FARS2: variants seen among roughly 807,000 people sequenced by gnomAD.
FARS2 encodes phenylalanyl-tRNA synthetase 2, mitochondrial.
FARS2 carries 40 observed loss-of-function variants against 46.4 expected under a neutral mutation model. That is an observed-to-expected ratio of 0.86 (90% CI 0.67 to 1.12). FARS2 has a LOEUF of 1.12. Ranked by LOEUF, FARS2 falls within the 50% of genes most tolerant of loss-of-function variation. FARS2 has a pLI of 0.00. For synonymous variants in FARS2, 234 were observed against 214.9 expected (o/e 1.09, Z -0.78); for missense variants, 513 against 567.9 (o/e 0.90, Z 0.98).
rs1027890130 is a variant in FARS2 at position 5,469,436 on chromosome 6, TTC to T, written c.904+38270_904+38271del. Among the ~76,000 whole-genome samples, 254 of 152,338 alleles carry T rather than the reference TTC, an allele frequency of 1.7e-3. 2 individuals are homozygous for T. The highest frequency in any genetic ancestry group is 2.5e-4 in the Non-Finnish European group (17 of 68,036). On this transcript the variant is annotated intron_variant, in intron 4 of 6. Coordinates refer to ENST00000274680, the MANE Select transcript of FARS2 (RefSeq NM_006567.5). Reference sequence around the variant, plus strand: ...CCCTCCGCTGGATACCTTCTTGATTTTCTCTCTAAACAGCTGCAGAGAGCTGA... The same window carrying T: ...CCCTCCGCTGGATACCTTCTTGATTTTCTCTAAACAGCTGCAGAGAGCTGA...
At chr6:5,391,343 TAAG>T (rs1343032541) in intron 2 of FARS2, among the ~76,000 whole-genome samples, 1 of 152,120 alleles carries the variant, frequency 6.6e-6, no homozygotes, top group African/African-American at 2.4e-5. Context: ...GGGGAAATAA[TAAG>T]GATTGTGAAG....
chr6:5,364,765 G>C lies in FARS2; in HGVS notation c.-21-3785G>C, dbSNP rs183943972. On this transcript the variant is annotated intron_variant, in intron 1 of 6. Coordinates refer to ENST00000274680, the MANE Select transcript of FARS2 (RefSeq NM_006567.5). ...AACAGACTATGGGCAAGGCACGATG[G>C]CTTAAGCCTGTAATCCCAGCACTTT... is the stretch of plus-strand genomic sequence containing the variant. 3.9e-3 allele frequency among the ~76,000 whole-genome samples: 601 copies of C among 152,322 alleles called. 1 individual carries two copies. Among genetic ancestry groups the C allele is most frequent in the Non-Finnish European group, 5.1e-3 (350 of 68,030 alleles).
chr6:5,704,795 G>A (rs1758643686), intron 6 of FARS2, among the ~76,000 whole-genome samples: 1 of 152,218 alleles, frequency 6.6e-6, no homozygotes, highest in Non-Finnish European at 1.5e-5. Context: ...AGGAACATCT[G>A]AAGATTCGAA....
chr6:5,483,944 G>A (rs1329467480), intron 4 of FARS2, among the ~76,000 whole-genome samples: 1 of 152,050 alleles, frequency 6.6e-6, no homozygotes, highest in African/African-American at 2.4e-5. Flanking sequence ...AGGGGAAAAA[G>A]GAGACTTGGA....
intron 5 of FARS2, among the ~76,000 whole-genome samples, chr6:5,611,829 G>A (rs551260900): frequency 2.6e-5 from 4 of 152,254 alleles, no homozygotes; most frequent in Admixed American, 1.3e-4. Flanking sequence ...CTCTGTCACC[G>A]TGCCTGGCAT....
chr6:5,259,576 T>A (rs537941791), upstream of FARS2, among the ~76,000 whole-genome samples: 9 of 151,480 alleles, frequency 5.9e-5, no homozygotes, highest in Admixed American at 3.3e-4. Context: ...TGACAGAGGT[T>A]GTACTGGGCA....
intron 1 of FARS2, among the ~76,000 whole-genome samples, chr6:5,337,038 T>G (rs973443575): frequency 6.6e-5 from 10 of 151,918 alleles, no homozygotes; most frequent in Admixed American, 2.0e-4. Flanking sequence ...TATTCTATTT[T>G]GGCACATGAC....
chr6:5,392,850 T>TTA (rs1024024641), intron 2 of FARS2, among the ~76,000 whole-genome samples: 1 of 99,662 alleles, frequency 1.0e-5, no homozygotes, highest in East Asian at 2.2e-4. Flanking sequence ...TGTGTATATA[T>TTA]TATATGTGTG....
At chr6:5,512,474 C>A (rs1454009670) in intron 4 of FARS2, among the ~76,000 whole-genome samples, 1 of 152,072 alleles carries the variant, frequency 6.6e-6, no homozygotes, top group Non-Finnish European at 1.5e-5. Flanking sequence ...AGGAAATTAG[C>A]AAAGGCTTTT....
intron 6 of FARS2, among the ~76,000 whole-genome samples, chr6:5,641,900 C>T (rs778486589): frequency 6.6e-6 from 1 of 152,126 alleles, no homozygotes; most frequent in Non-Finnish European, 1.5e-5. Context: ...TGGTGGTCAC[C>T]GTACCTACAT....
intron 1 of FARS2, among the ~76,000 whole-genome samples, chr6:5,359,178 T>TA (rs1758142685): frequency 6.6e-6 from 1 of 151,924 alleles, no homozygotes. Flanking sequence ...TAGCTGGAAT[T>TA]ACAGGTGTGT....
chr6:5,444,218 G>C (rs1037068487), intron 4 of FARS2, among the ~76,000 whole-genome samples: 56 of 151,900 alleles, frequency 3.7e-4, no homozygotes, highest in Middle Eastern at 6.8e-3. Flanking sequence ...CCTGTAATCC[G>C]AGCACTTTGG....
chr6:5,621,666 G>A (rs1035403567), intron 6 of FARS2, among the ~76,000 whole-genome samples: 2 of 152,204 alleles, frequency 1.3e-5, no homozygotes, highest in Non-Finnish European at 2.9e-5. Flanking sequence ...TTATGAATGG[G>A]ATGTACACAG....
At chr6:5,342,489 C>T (rs928848962) in intron 1 of FARS2, among the ~76,000 whole-genome samples, 2 of 152,122 alleles carry the variant, frequency 1.3e-5, no homozygotes, top group African/African-American at 4.8e-5. Flanking sequence ...ATAAGGTGAT[C>T]TGCCTGTAAT....
In FARS2 at chr6:5,727,417, G is replaced by A. The variant is rs569828535; in HGVS notation, c.1218-43874G>A. 6.6e-6 allele frequency among the ~76,000 whole-genome samples: 1 copy of A among 152,326 alleles called. No homozygotes were observed. The highest frequency in any genetic ancestry group is 1.5e-5 in the Non-Finnish European group (1 of 68,018). On this transcript the variant is annotated intron_variant, in intron 6 of 6. Transcript: ENST00000274680. The surrounding 1 kb of genome is among the most constrained non-coding windows in gnomAD (Gnocchi z 4.1). ...ACTTGTTACACTTTTCAGAGGCAGG[G>A]TGCTGACTGGCCAGAACGTAGGAAA... is the stretch of plus-strand genomic sequence containing the variant.
intron 4 of FARS2, among the ~76,000 whole-genome samples, chr6:5,497,664 A>C (rs1282655604): frequency 1.3e-5 from 2 of 152,234 alleles, no homozygotes; most frequent in African/African-American, 4.8e-5. Flanking sequence ...GTATCATTCA[A>C]ACTTCTTATA....
intron 6 of FARS2, among the ~76,000 whole-genome samples, chr6:5,710,727 T>G (rs1759091514): frequency 6.6e-6 from 1 of 152,194 alleles, no homozygotes; most frequent in Admixed American, 6.5e-5. Context: ...GCTCTGGATT[T>G]CCGGAGAGGA....
intron 6 of FARS2, among the ~76,000 whole-genome samples, chr6:5,651,570 G>T (rs1054000017): frequency 2.0e-5 from 3 of 152,316 alleles, no homozygotes; most frequent in Non-Finnish European, 4.4e-5. Context: ...TCAGCTGCGC[G>T]GTCATCATCA....
rs554748596 is a variant in FARS2, at chr6:5,580,683, G to A, written c.1066-32486G>A. 2.6e-5 allele frequency among the ~76,000 whole-genome samples: 4 copies of A among 152,268 alleles called. No homozygotes were observed. In the East Asian group the frequency reaches 7.7e-4, roughly 29 times the overall value. The stretch of plus-strand genomic sequence containing the variant: ...GACTTTGTGTGCAGGGATAGTGCTA[G>A]GCAGTGCTAGGAGGATGTGATTGAT... On this transcript the variant is annotated intron_variant, in intron 5 of 6. Coordinates refer to ENST00000274680, the MANE Select transcript of FARS2 (RefSeq NM_006567.5).
Sources: gnomAD v4.1 joint callset for allele counts (sites outside exome capture counted in the v4.1 genomes callset) on GRCh38, gnomAD v4.1.1 for gene constraint, Gnocchi (gnomAD v3.1) non-coding constraint, MANE v1.5 for transcripts, NCBI Gene and HGNC (gene_info 2026-07-23, HGNC 2026-07-21) for gene names.